LRRC4C: variants seen among roughly 807,000 people sequenced by gnomAD.
LRRC4C encodes the protein leucine rich repeat containing 4C, also known as leucine-rich repeat-containing protein 4C.
In LRRC4C, 5 loss-of-function variants were observed where a neutral mutation model predicts 33.6. The ratio of observed to expected loss-of-function variants is 0.15; its 90% confidence interval spans 0.08 to 0.31. The LOEUF is 0.31. Among genes scored for constraint, LRRC4C ranks in the 10% least tolerant of loss-of-function variants. LRRC4C has a pLI of 1.00. For missense variants in LRRC4C, 560 were observed against 796.7 expected, an observed-to-expected ratio of 0.70 and a Z score of 3.58; for synonymous variants, 329 against 302.0, an observed-to-expected ratio of 1.09 and a Z score of -0.93.
intron 1 of LRRC4C, among the ~76,000 whole-genome samples, chr11:41,370,942 G>A (rs1002414595): frequency 3.3e-5 from 5 of 152,160 alleles, no homozygotes; most frequent in Admixed American, 3.3e-4. Context: ...GAAGGAGAAT[G>A]TTAGTCTTGC....
Position 41,279,421 on chromosome 11 carries a change from CACACACA to C in LRRC4C, c.-496+180003_-496+180009del, listed in dbSNP as rs1565542353. Among the ~76,000 whole-genome samples the C allele has an allele frequency of 8.4e-5, 12 of 143,166 alleles. 1 individual carries two copies. Among genetic ancestry groups the C allele is most frequent in the African/African-American group, 2.9e-4 (11 of 37,692 alleles). 93.9% of individuals were successfully genotyped at this position (143,166 alleles called of 152,430 possible). On this transcript the variant is annotated intron_variant, in intron 1 of 6. Transcript: ENST00000528697. The stretch of plus-strand genomic sequence containing the variant: ...ACACACACACACACACACACACACA[CACACACA>C]CCGTGGCAATCACTGCCTGCAATGG...
At chr11:41,185,420 G>A (rs1945649238) in intron 1 of LRRC4C, among the ~76,000 whole-genome samples, 1 of 152,196 alleles carries the variant, frequency 6.6e-6, no homozygotes, top group Admixed American at 6.5e-5. Flanking sequence ...AGGAGAGAAA[G>A]AATGGATGAT....
intron 1 of LRRC4C, among the ~76,000 whole-genome samples, chr11:41,195,751 T>C (rs1276966795): frequency 1.3e-5 from 2 of 152,136 alleles, no homozygotes; most frequent in African/African-American, 4.8e-5. Context: ...TATGAAAGTG[T>C]AAAAGGAGCA....
intron 1 of LRRC4C, among the ~76,000 whole-genome samples, chr11:41,045,507 T>C (rs181451464): frequency 2.8e-4 from 43 of 152,284 alleles, no homozygotes; most frequent in Admixed American, 2.8e-3. Flanking sequence ...CTTTAATCTG[T>C]TATGTCCAAC....
chr11:40,298,104 C>T (rs367756129), intron 4 of LRRC4C, among the ~76,000 whole-genome samples: 4 of 151,864 alleles, frequency 2.6e-5, no homozygotes, highest in Non-Finnish European at 2.9e-5. Context: ...GGTCTCTTAC[C>T]GACTATTCTT....
At chr11:40,242,737 A>T (rs540848580) in intron 4 of LRRC4C, among the ~76,000 whole-genome samples, 2 of 152,036 alleles carry the variant, frequency 1.3e-5, no homozygotes, top group South Asian at 4.2e-4. Flanking sequence ...TGCAAACACA[A>T]TGTGGTCAAC....
chr11:40,998,563 A>C (rs2137347192), intron 1 of LRRC4C, among the ~76,000 whole-genome samples: 1 of 152,250 alleles, frequency 6.6e-6, no homozygotes, highest in African/African-American at 2.4e-5. Flanking sequence ...TGGATTACAT[A>C]ATTATTCAAA....
intron 1 of LRRC4C, among the ~76,000 whole-genome samples, chr11:41,125,616 A>G (rs1942698863): frequency 6.6e-6 from 1 of 152,140 alleles, no homozygotes; most frequent in Non-Finnish European, 1.5e-5. Flanking sequence ...CTATTTACCC[A>G]ACTGTATTTT....
rs137895741 is a variant in LRRC4C at position 40,979,251 on chromosome 11, A to G, written c.-495-45528T>C. Among the ~76,000 whole-genome samples, 26 of 152,298 alleles carry G rather than the reference A, an allele frequency of 1.7e-4. No homozygotes were observed. In the East Asian group the frequency reaches 4.4e-3, roughly 26 times the overall value. On this transcript the variant is annotated intron_variant, in intron 1 of 6. Coordinates refer to ENST00000528697, the MANE Select transcript of LRRC4C (RefSeq NM_001258419.2). ...GTCAGCTTTTTCTACAATACTATCA[A>G]TTCCTTGGATGTATGTCATATCTGT...
At chr11:40,289,817 T>C (rs761538454) in intron 4 of LRRC4C, among the ~76,000 whole-genome samples, 3 of 152,140 alleles carry the variant, frequency 2.0e-5, no homozygotes, top group Admixed American at 6.5e-5. Flanking sequence ...CCCCATTAAC[T>C]CCAGATTTGC....
At chr11:41,406,890 A>G (rs888677229) in intron 1 of LRRC4C, among the ~76,000 whole-genome samples, 2 of 151,888 alleles carry the variant, frequency 1.3e-5, no homozygotes, top group Non-Finnish European at 2.9e-5. Context: ...ATTAATCTAT[A>G]CTCTGTTTTG....
At chr11:41,039,329 A>C (rs1308836569) in intron 1 of LRRC4C, among the ~76,000 whole-genome samples, 4 of 152,140 alleles carry the variant, frequency 2.6e-5, no homozygotes, top group African/African-American at 9.7e-5. Flanking sequence ...AAATATCTGC[A>C]TGACCTTTTT....
intron 1 of LRRC4C, among the ~76,000 whole-genome samples, chr11:41,238,486 G>T (rs986365573): frequency 5.3e-5 from 8 of 152,264 alleles, no homozygotes; most frequent in Middle Eastern, 3.4e-3. Flanking sequence ...GCTTTGGAGA[G>T]GTCCAGCTAC....
At chr11:41,389,812 C>T (rs932073587) in intron 1 of LRRC4C, among the ~76,000 whole-genome samples, 2 of 151,820 alleles carry the variant, frequency 1.3e-5, no homozygotes, top group African/African-American at 4.8e-5. Flanking sequence ...CCCCACACTT[C>T]TACAATTACC....
At chr11:41,178,894 G>A (rs935110625) in intron 1 of LRRC4C, among the ~76,000 whole-genome samples, 3 of 151,958 alleles carry the variant, frequency 2.0e-5, no homozygotes, top group Non-Finnish European at 4.4e-5. Context: ...GTAGAGACAG[G>A]GTTTCACCAT....
chr11:41,375,271 A>G (rs1009195375), intron 1 of LRRC4C, among the ~76,000 whole-genome samples: 1 of 152,170 alleles, frequency 6.6e-6, no homozygotes, highest in Non-Finnish European at 1.5e-5. Context: ...ATAGAAGAAA[A>G]CAATGGAAAG....
At chr11:40,310,235 A>G (rs1945235832) in intron 4 of LRRC4C, among the ~76,000 whole-genome samples, 1 of 152,210 alleles carries the variant, frequency 6.6e-6, no homozygotes, top group African/African-American at 2.4e-5. Context: ...CTTCAATAGA[A>G]CAGTGTGCTA....
intron 1 of LRRC4C, among the ~76,000 whole-genome samples, chr11:41,181,349 G>GA (rs1440712479): frequency 1.3e-5 from 2 of 151,914 alleles, no homozygotes; most frequent in Non-Finnish European, 2.9e-5. Context: ...GTGATCTCTG[G>GA]AAAAAACAGA....
chr11:41,070,005 T>C (rs1938558126), intron 1 of LRRC4C, among the ~76,000 whole-genome samples: 1 of 152,172 alleles, frequency 6.6e-6, no homozygotes, highest in Non-Finnish European at 1.5e-5. Flanking sequence ...TCATGTTACC[T>C]GACTTCAAAC....
Sources: gnomAD v4.1 joint callset for allele counts (sites outside exome capture counted in the v4.1 genomes callset) on GRCh38, gnomAD v4.1.1 for gene constraint, MANE v1.5 for transcripts, NCBI Gene and HGNC (gene_info 2026-07-23, HGNC 2026-07-21) for gene names.